The following IRAK4 variants were observed in gnomAD, a reference collection of about 807,000 sequenced individuals.
The protein encoded by IRAK4 is interleukin-1 receptor-associated kinase 4.
In IRAK4, 44 loss-of-function variants were observed where a neutral mutation model predicts 51.8. The observed-to-expected ratio is 0.85, with a 90% confidence interval of 0.67 to 1.09. The LOEUF (loss-of-function observed/expected upper bound fraction) is 1.09. Among genes scored for constraint, IRAK4 ranks in the 50% least tolerant of loss-of-function variants. The probability of loss-of-function intolerance (pLI) is 0.00; values close to 1 mark genes in which losing one functional copy is unlikely to be tolerated. For synonymous variants in IRAK4, 149 were observed against 174.1 expected (o/e 0.86, Z 1.13); for missense variants, 487 against 538.0 (o/e 0.91, Z 0.94).
intron 8 of IRAK4, among the ~76,000 whole-genome samples, chr12:43,780,107 G>A (rs1289570949): frequency 1.3e-5 from 2 of 152,108 alleles, no homozygotes; most frequent in African/African-American, 2.4e-5. Context: ...TCCCAAGAGG[G>A]AGTAGTCAAA....
chr12:43,766,395 A>G (rs188022238), intron 1 of IRAK4, among the ~76,000 whole-genome samples: 1 of 152,002 alleles, frequency 6.6e-6, no homozygotes, highest in African/African-American at 2.4e-5. Flanking sequence ...TGATATCCCT[A>G]TTCCAGACTG....
At chr12:43,764,993 CT>C (rs1939970761) in intron 1 of IRAK4, among the ~76,000 whole-genome samples, 1 of 152,162 alleles carries the variant, frequency 6.6e-6, no homozygotes, top group Non-Finnish European at 1.5e-5. Flanking sequence ...ACCACTGCCA[CT>C]TTGGGGGAGC....
intron 2 of IRAK4, among the ~76,000 whole-genome samples, chr12:43,769,832 A>C (rs925867321): frequency 1.3e-5 from 2 of 152,224 alleles, no homozygotes; most frequent in Non-Finnish European, 2.9e-5. Context: ...AAGGCACATT[A>C]TACCTATGTA....
At chr12:43,762,468 G>A (rs1220951191) in intron 1 of IRAK4, among the ~76,000 whole-genome samples, 1 of 152,100 alleles carries the variant, frequency 6.6e-6, no homozygotes, top group African/African-American at 2.4e-5. Context: ...AGAAATCTTA[G>A]TAAGGAAAAA....
In IRAK4 at chr12:43,771,298, A is replaced by C; in HGVS notation, c.240A>C (p.Thr80=). The stretch of plus-strand genomic sequence containing the variant: ...TTGACTGGGGCACCACAAATTGCAC[A>C]GTTGGTGATCTTGTGGATCTTTTGA... ...LLFDWGTTNC[T]VGDLVDLLIQ... The change falls in exon 3 of 12, where the codon ACA becomes ACC. Residue 80 remains threonine (T), a synonymous_variant. Transcript: ENST00000613694. 3 of 1,614,096 alleles carry C rather than the reference A, an allele frequency of 1.9e-6. No individual in the cohort carries two copies. Among genetic ancestry groups the C allele is most frequent in the Non-Finnish European group, 2.5e-6 (3 of 1,179,964 alleles).
chr12:43,760,772 T>G (rs533868486), intron 1 of IRAK4, among the ~76,000 whole-genome samples: 2 of 152,356 alleles, frequency 1.3e-5, no homozygotes, highest in East Asian at 3.9e-4. Flanking sequence ...TTTCGTTTTG[T>G]TCTTTCATTT....
chr12:43,759,243 A>G (rs1370449214), intron 1 of IRAK4: 1 of 152,284 alleles, frequency 6.6e-6, no homozygotes, highest in Non-Finnish European at 1.5e-5. Flanking sequence ...CCTGAGGAAG[A>G]GCCTGAGGCT....
At chr12:43,777,463 A>G (rs973633680) in intron 6 of IRAK4, among the ~76,000 whole-genome samples, 167 bp from the exon 7 acceptor site, 16 of 152,242 alleles carry the variant, frequency 1.1e-4, no homozygotes, top group Admixed American at 5.2e-4. Flanking sequence ...GCAGAAAATT[A>G]TAAACAGTTA....
intron 8 of IRAK4, among the ~76,000 whole-genome samples, chr12:43,780,627 G>A (rs372987889): frequency 6.7e-6 from 1 of 149,164 alleles, no homozygotes; most frequent in Non-Finnish European, 1.5e-5. Context: ...GCTGGAGTGC[G>A]ATGGCGCGGT....
intron 1 of IRAK4, among the ~76,000 whole-genome samples, chr12:43,762,400 C>T (rs1006139082): frequency 6.6e-6 from 1 of 152,164 alleles, no homozygotes. Flanking sequence ...ATTTATAAGA[C>T]TACTAAGCAG....
intron 5 of IRAK4, 64 bp from the exon 6 acceptor site, chr12:43,773,895 CTCTTGA>C: frequency 1.1e-6 from 1 of 951,496 alleles, no homozygotes; most frequent in Non-Finnish European, 1.7e-6. Flanking sequence ...GCCAGCTGAT[CTCTTGA>C]TCCCTCTGAG....
At position 43,787,143 on chromosome 12, in the gene IRAK4, A is replaced by T. The variant is rs4251549; in HGVS notation, c.*428A>T. 7.7e-3 allele frequency: 1,257 copies of T among 163,210 alleles called. 19 individuals are homozygous for T. The highest frequency in any genetic ancestry group is 0.028 in the African/African-American group (1,173 of 41,886). The allele number at this position is 163,210 out of a possible 1,614,324, so 10.1% of individuals were successfully genotyped here. ...GGCTAATATCTGCTGTGCTTCTCTG[A>T]CAGGTAGTCATGAAAATCAAATGAT... On this transcript the variant is annotated 3_prime_UTR_variant, in exon 12 of 12. Transcript: ENST00000613694.
chr12:43,760,045 G>T (rs1025332533), intron 1 of IRAK4, among the ~76,000 whole-genome samples: 2 of 152,176 alleles, frequency 1.3e-5, no homozygotes, highest in African/African-American at 2.4e-5. Flanking sequence ...CTTGAAGAGG[G>T]CTATCGGGAA....
At position 43,782,296 on chromosome 12, in the gene IRAK4, A is replaced by AT. The variant is rs774441667; in HGVS notation, c.942-4dup. On this transcript the variant is annotated splice_polypyrimidine_tract_variant and intron_variant, in intron 8 of 11. Coordinates refer to ENST00000613694, the MANE Select transcript of IRAK4 (RefSeq NM_016123.4). ...AAACATTTTTTTCTTCAAACTTTAC[A>AT]TTTTTTTCAGTGCAAATATCTTACT... 4 of 1,604,924 alleles carry AT rather than the reference A, an allele frequency of 2.5e-6. No individual in the cohort carries two copies. Among genetic ancestry groups the AT allele is most frequent in the Admixed American group, 3.3e-5 (2 of 59,950 alleles).
rs945842270 is a variant in IRAK4 at position 43,767,274 on chromosome 12, G to A, written c.-9-829G>A. Among the ~76,000 whole-genome samples the A allele has an allele frequency of 2.0e-5, 3 of 152,160 alleles. No individual in the cohort carries two copies. The South Asian group carries it at 6.2e-4, about 32-fold the overall frequency. ...GTAAAGGTATGAAATAGTCACTAAG[G>A]ACTATGAGAGAAGACAAGTGGAAGG... On this transcript the variant is annotated intron_variant, in intron 1 of 11. Coordinates refer to ENST00000613694, the MANE Select transcript of IRAK4 (RefSeq NM_016123.4).
At chr12:43,766,369 C>T (rs1461321728) in intron 1 of IRAK4, among the ~76,000 whole-genome samples, 2 of 152,144 alleles carry the variant, frequency 1.3e-5, no homozygotes, top group African/African-American at 4.8e-5. Context: ...ACCTCCTACT[C>T]CAACCAAATC....
At chr12:43,776,972 C>T (rs1406861477) in intron 6 of IRAK4, among the ~76,000 whole-genome samples, 1 of 152,196 alleles carries the variant, frequency 6.6e-6, no homozygotes. Flanking sequence ...ATTCAACGGA[C>T]TTCTTGAAAT....
Position 43,768,120 on chromosome 12 carries a change from AC to A in IRAK4, c.12del (p.Ile5Ter). On this transcript the variant is annotated frameshift_variant, in exon 2 of 12. Coordinates refer to ENST00000613694, the MANE Select transcript of IRAK4 (RefSeq NM_016123.4). LOFTEE classifies it high-confidence loss of function. The stretch of plus-strand genomic sequence containing the variant: ...TATTTTAGGAATAGAAGATGAACAA[AC>A]CCATAACACCATCAACATATGTGCG... MNK[P>X]ITPSTYVRCL... The A allele has an allele frequency of 6.2e-7, 1 of 1,613,500 alleles. No homozygotes were observed. The highest frequency in any genetic ancestry group is 8.5e-7 in the Non-Finnish European group (1 of 1,179,656).
Position 43,772,180 on chromosome 12 carries a change from A to C in IRAK4, c.308A>C (p.Asp103Ala), listed in dbSNP as rs774802371. 3 of 1,612,138 alleles carry C rather than the reference A, an allele frequency of 1.9e-6. No homozygotes were observed. Among genetic ancestry groups the C allele is most frequent in the Non-Finnish European group, 2.5e-6 (3 of 1,178,968 alleles). The change falls in exon 4 of 12, where the codon GAT (aspartate) becomes GCT (alanine). Residue 103 changes from aspartate to alanine, a missense_variant and splice_region_variant. Transcript: ENST00000613694. ...ACTTGTATCTTACTTCATTTGTTAG[A>C]TGCTGTTCCCAAAACTGCTAATACA... ...FFAPASLLLP[D>A]AVPKTANTLP...
Sources: gnomAD v4.1 joint callset for allele counts (sites outside exome capture counted in the v4.1 genomes callset) on GRCh38, gnomAD v4.1.1 for gene constraint, MANE v1.5 for transcripts, NCBI Gene and HGNC (gene_info 2026-07-23, HGNC 2026-07-21) for gene names.